Variants in TACC2 observed in about 807,000 individuals in gnomAD.
The protein encoded by TACC2 is transforming acidic coiled-coil containing protein 2.
Under a neutral mutation model 227.3 loss-of-function variants are expected in TACC2, and 137 were observed. That is an observed-to-expected ratio of 0.60 (90% CI 0.52 to 0.69). The LOEUF (loss-of-function observed/expected upper bound fraction) is 0.69. Among genes scored for constraint, TACC2 ranks in the 30% least tolerant of loss-of-function variants. The pLI is 0.00. For synonymous variants in TACC2, 1,523 were observed against 1,487.5 expected (o/e 1.02, Z -0.55); for missense variants, 3,470 against 3,694.4 (o/e 0.94, Z 1.57).
At chr10:122,072,330 TTTTG>T (rs932557189) in intron 3 of TACC2, among the ~76,000 whole-genome samples, 3 of 152,218 alleles carry the variant, frequency 2.0e-5, no homozygotes, top group Admixed American at 6.5e-5. Flanking sequence ...CACGTACTTG[TTTTG>T]TTTGTTTGTT....
intron 7 of TACC2, among the ~76,000 whole-genome samples, chr10:122,178,529 G>A (rs566200989): frequency 4.5e-4 from 68 of 151,586 alleles, no homozygotes; most frequent in African/African-American, 1.6e-3. Context: ...GAGCCACCGC[G>A]CCCTGCCAGT....
At chr10:122,006,176 C>A (rs925761512) in intron 1 of TACC2, among the ~76,000 whole-genome samples, 8 of 151,812 alleles carry the variant, frequency 5.3e-5, no homozygotes, top group Non-Finnish European at 1.2e-4. Flanking sequence ...TGGCCAGGCA[C>A]GGTGGCTCAA....
rs1184759407 is a variant in TACC2 at position 122,033,084 on chromosome 10, T to C, written c.33+11070T>C. 4 of 1,288,758 alleles carry C rather than the reference T, an allele frequency of 3.1e-6. No homozygotes were observed. The East Asian group carries it at 2.2e-4, about 71-fold the overall frequency. The allele number at this position is 1,288,758 out of a possible 1,614,324, so 79.8% of individuals were successfully genotyped here. ...ACCTGTCCTAACGGTGAGATCCCTT[T>C]GCATTTCAGCAGGAGGACTCCGTCT... On this transcript the variant is annotated intron_variant, in intron 2 of 22. Coordinates refer to ENST00000369005, the MANE Select transcript of TACC2 (RefSeq NM_206862.4).
intron 5 of TACC2, among the ~76,000 whole-genome samples, chr10:122,089,103 A>G (rs72839701): frequency 0.13 from 20,059 of 152,204 alleles, 1,405 homozygotes; most frequent in Middle Eastern, 0.23. Flanking sequence ...TGGGTGACAG[A>G]GACCCTGTCT....
At chr10:122,104,183 G>T (rs116665086) in intron 5 of TACC2, among the ~76,000 whole-genome samples, 1,959 of 152,082 alleles carry the variant, frequency 0.013, 47 homozygotes, top group African/African-American at 0.045. Context: ...AATTCTTACT[G>T]CCTAGAATAT....
At position 122,191,454 on chromosome 10, in the gene TACC2, CAAG is replaced by C. The variant is rs552204595; in HGVS notation, c.5835-3580_5835-3578del. Among the ~76,000 whole-genome samples, 101 of 152,074 alleles carry C rather than the reference CAAG, an allele frequency of 6.6e-4. 1 individual carries two copies. The highest frequency in any genetic ancestry group is 1.3e-3 in the Non-Finnish European group (91 of 68,004). On this transcript the variant is annotated intron_variant, in intron 7 of 22. Transcript: ENST00000369005. ...TTGGCTTCCCTGGGCCACATTGGAA[CAAG>C]AAGAATTGTCTTGGGCCACACATAA... is the stretch of plus-strand genomic sequence containing the variant.
intron 19 of TACC2, chr10:122,247,979 T>C (rs1471303617): frequency 6.6e-6 from 1 of 152,214 alleles, no homozygotes; most frequent in Non-Finnish European, 1.5e-5. Context: ...GGACAATGGT[T>C]CCTCTCACCA....
At chr10:122,096,598 A>G (rs2081451060) in intron 5 of TACC2, among the ~76,000 whole-genome samples, 1 of 150,360 alleles carries the variant, frequency 6.7e-6, no homozygotes, top group South Asian at 2.1e-4. Context: ...CAGGAGGCTG[A>G]GGTGGGAGAA....
intron 5 of TACC2, among the ~76,000 whole-genome samples, chr10:122,123,562 C>T (rs1444492093): frequency 2.0e-5 from 3 of 152,192 alleles, no homozygotes; most frequent in Non-Finnish European, 4.4e-5. Flanking sequence ...TTCCGCATGT[C>T]GTGGTGCCTG....
intron 3 of TACC2, among the ~76,000 whole-genome samples, chr10:122,057,529 A>G (rs1190735979): frequency 6.6e-6 from 1 of 152,176 alleles, no homozygotes; most frequent in Non-Finnish European, 1.5e-5. Context: ...TTGGCCGGGC[A>G]CGGTGGCTCA....
At chr10:122,090,944 G>T (rs1231354813) in intron 5 of TACC2, among the ~76,000 whole-genome samples, 1 of 151,968 alleles carries the variant, frequency 6.6e-6, no homozygotes, top group Non-Finnish European at 1.5e-5. Flanking sequence ...TTTCACCATG[G>T]TGCTCAGCCT....
At position 122,068,584 on chromosome 10, in the gene TACC2, A is replaced by G. The variant is rs892655870; in HGVS notation, c.147-14063A>G. Among the ~76,000 whole-genome samples, 6 of 152,134 alleles carry G rather than the reference A, an allele frequency of 3.9e-5. No individual in the cohort carries two copies. In the East Asian group the frequency reaches 9.7e-4, roughly 25 times the overall value. ...TGCCTTTGTGCTCAGCAGATGCCTT[A>G]TGAGTGATGAGGTACTCCACTCTGG... On this transcript the variant is annotated intron_variant, in intron 3 of 22. Transcript: ENST00000369005.
chr10:122,193,757 C>G (rs1279650293), intron 7 of TACC2, among the ~76,000 whole-genome samples: 1 of 152,196 alleles, frequency 6.6e-6, no homozygotes, highest in Non-Finnish European at 1.5e-5. Flanking sequence ...GCTAGCTGTT[C>G]TCCAAGGCAA....
intron 20 of TACC2, 58 bp downstream of exon 20, chr10:122,248,861 A>G: frequency 6.2e-7 from 1 of 1,602,760 alleles, no homozygotes; most frequent in Non-Finnish European, 8.5e-7. Flanking sequence ...AGATTGTGGG[A>G]GCACTGGGAG....
In TACC2 at chr10:122,087,915, C is replaced by T. The variant is rs2080262919; in HGVS notation, c.5415C>T (p.Asp1805=). ...CTCCAGAGCCTGACGAAACTCACGA[C>T]CCGAAGCTGCAACATTTGGCTCCAG... is the stretch of plus-strand genomic sequence containing the variant. ...SSPPEPDETH[D]PKLQHLAPEE... is the part of the protein sequence containing the mutation. Residue 1805 remains aspartate, a synonymous_variant, in exon 4 of 23, where the codon GAC becomes GAT. Transcript: ENST00000369005. 6.6e-7 allele frequency: 1 copy of T among 1,512,580 alleles called. No individual in the cohort carries two copies. Among genetic ancestry groups the T allele is most frequent in the Middle Eastern group, 1.8e-4 (1 of 5,570 alleles). 93.7% of individuals were successfully genotyped at this position (1,512,580 alleles called of 1,614,324 possible). A position where few individuals can be genotyped will look rare whatever the true frequency, so the allele number is the denominator to read the frequency against.
At chr10:122,132,582 T>C (rs760448641) in intron 5 of TACC2, 27 bp from the exon 6 acceptor site, 2 of 1,613,790 alleles carry the variant, frequency 1.2e-6, no homozygotes, top group South Asian at 2.2e-5. Flanking sequence ...TTTCTGAGTT[T>C]AGGTTCTTTC....
chr10:122,051,778 T>TTTTC (rs2075722562), intron 3 of TACC2: 1 of 28,028 alleles, frequency 3.6e-5, no homozygotes, highest in Non-Finnish European at 1.1e-4. Context: ...TTTTTTTTTT[T>TTTTC]TTTTTTTTTT....
rs1470570332 is a variant in TACC2 at position 122,050,232 on chromosome 10, A to C, written c.34-206A>C. On this transcript the variant is annotated intron_variant, in intron 2 of 22. Coordinates refer to ENST00000369005, the MANE Select transcript of TACC2 (RefSeq NM_206862.4). The surrounding 1 kb of genome is among the most constrained non-coding windows in gnomAD (Gnocchi z 4.6). ...TTTGACTTTGTTTCTTCCCCACTGG[A>C]TGAGAGCAGCAGCCACCTTTGCTTC... Among the ~76,000 whole-genome samples the C allele has an allele frequency of 6.6e-6, 1 of 152,136 alleles. No homozygotes were observed. The highest frequency in any genetic ancestry group is 1.5e-5 in the Non-Finnish European group (1 of 68,020).
intron 3 of TACC2, among the ~76,000 whole-genome samples, chr10:122,053,004 C>G (rs2075869778): frequency 6.6e-6 from 1 of 152,208 alleles, no homozygotes; most frequent in African/African-American, 2.4e-5. Context: ...GCCAAATGCT[C>G]TGTGTGTGCA....
Sources: gnomAD v4.1 joint callset for allele counts (sites outside exome capture counted in the v4.1 genomes callset) on GRCh38, gnomAD v4.1.1 for gene constraint, Gnocchi (gnomAD v3.1) non-coding constraint, MANE v1.5 for transcripts, NCBI Gene and HGNC (gene_info 2026-07-23, HGNC 2026-07-21) for gene names.